RYR3: variants seen among roughly 807,000 people sequenced by gnomAD.
The protein encoded by RYR3 is brain ryanodine receptor-calcium release channel.
Under a neutral mutation model 584.3 loss-of-function variants are expected in RYR3, and 207 were observed. The ratio of observed to expected loss-of-function variants is 0.35; its 90% CI spans 0.32 to 0.40. RYR3 has a LOEUF of 0.40. Among genes scored for constraint, RYR3 ranks in the 10% least tolerant of loss-of-function variants. The probability of loss-of-function intolerance (pLI) is 1.00; values close to 1 mark genes in which losing one functional copy is unlikely to be tolerated. For synonymous variants in RYR3, 2,416 were observed against 2,248.5 expected, an observed-to-expected ratio of 1.07 and a Z score of -2.11; for missense variants, 5,616 against 6,089.2, an observed-to-expected ratio of 0.92 and a Z score of 2.59.
chr15:33,590,590 G>A (rs2059081490), intron 16 of RYR3, among the ~76,000 whole-genome samples: 1 of 148,926 alleles, frequency 6.7e-6, no homozygotes. Context: ...TCAGTGTTTC[G>A]TAATTTTTTT....
chr15:33,707,539 A>G (rs1335297272), intron 43 of RYR3, among the ~76,000 whole-genome samples: 1 of 152,222 alleles, frequency 6.6e-6, no homozygotes, highest in African/African-American at 2.4e-5. Context: ...ATTTGTCATA[A>G]TACAATCTAC....
Position 33,660,297 on chromosome 15 carries a change from T to G in RYR3, c.4496T>G (p.Leu1499Arg), listed in dbSNP as rs1437868004. 6.4e-6 allele frequency: 10 copies of G among 1,572,042 alleles called. No individual in the cohort carries two copies. The Admixed American group carries it at 1.7e-4, about 26-fold the overall frequency. ...GACGTCCAAACCATCCAGCCCGTGCTCTGGAGCCGCATGCCCAACAGCTTC... is the reference window on the plus strand; with the variant it reads ...GACGTCCAAACCATCCAGCCCGTGCGCTGGAGCCGCATGCCCAACAGCTTC... ...RLDVQTIQPV[L>R]WSRMPNSFLK... Residue 1499 changes from leucine to arginine, a missense_variant, in exon 34 of 104, where the codon CTC (leucine) becomes CGC (arginine). Physicochemically the swap from Leu to Arg is moderately radical, Grantham distance 102. Transcript: ENST00000634891.
At chr15:33,508,139 T>C (rs2142834218) in intron 3 of RYR3, among the ~76,000 whole-genome samples, 1 of 152,308 alleles carries the variant, frequency 6.6e-6, no homozygotes, top group Non-Finnish European at 1.5e-5. Context: ...TCCGGTTTTC[T>C]CTAAAAGTTG....
intron 1 of RYR3, among the ~76,000 whole-genome samples, chr15:33,330,179 A>G (rs920798180): frequency 6.6e-6 from 1 of 152,162 alleles, no homozygotes; most frequent in Non-Finnish European, 1.5e-5. Context: ...GTTGGCTTCA[A>G]TTTTAGGGTA....
chr15:33,783,242 C>T (rs1050353018), intron 65 of RYR3, among the ~76,000 whole-genome samples: 1 of 152,152 alleles, frequency 6.6e-6, no homozygotes, highest in Non-Finnish European at 1.5e-5. Context: ...CATTTTCAGC[C>T]GGTCTCCAGG....
chr15:33,809,612 CTT>C (rs34554811), intron 70 of RYR3, among the ~76,000 whole-genome samples: 36,009 of 132,286 alleles, frequency 0.27, 5,175 homozygotes, highest in Admixed American at 0.36. Flanking sequence ...TCCTCTCTCT[CTT>C]TTTTTTTTTT....
At chr15:33,620,115 A>G (rs557690049) in intron 19 of RYR3, among the ~76,000 whole-genome samples, 3 of 152,058 alleles carry the variant, frequency 2.0e-5, no homozygotes, top group Non-Finnish European at 2.9e-5. Context: ...AAGATGGCAG[A>G]TGGTGGGCTC....
At chr15:33,748,976 AGTT>A (rs1431281536) in intron 55 of RYR3, among the ~76,000 whole-genome samples, 2 of 152,204 alleles carry the variant, frequency 1.3e-5, no homozygotes, top group Non-Finnish European at 2.9e-5. Context: ...CTATATAAAT[AGTT>A]GTTATGCTGT....
chr15:33,459,088 G>A (rs375505545), intron 1 of RYR3, among the ~76,000 whole-genome samples: 15 of 152,142 alleles, frequency 9.9e-5, no homozygotes, highest in East Asian at 3.9e-4. Context: ...TTCAATACCC[G>A]GCCCAGCATC....
At chr15:33,355,904 T>A (rs1973907708) in intron 1 of RYR3, among the ~76,000 whole-genome samples, 1 of 152,232 alleles carries the variant, frequency 6.6e-6, no homozygotes, top group Non-Finnish European at 1.5e-5. Flanking sequence ...TCCTTTGAAA[T>A]ATGTCATTTG....
At chr15:33,638,239 C>T (rs1316078216) in intron 27 of RYR3, among the ~76,000 whole-genome samples, 1 of 152,160 alleles carries the variant, frequency 6.6e-6, no homozygotes, top group East Asian at 1.9e-4. Context: ...GGTTCAGAGG[C>T]AAAGGAGAGG....
chr15:33,613,567 G>A (rs959364087), intron 19 of RYR3, among the ~76,000 whole-genome samples, 192 bp downstream of exon 19: 1 of 152,262 alleles, frequency 6.6e-6, no homozygotes. Flanking sequence ...CCTCCCCCAG[G>A]GGTTGTATTA....
At position 33,748,200 on chromosome 15, in the gene RYR3, A is replaced by C; in HGVS notation, c.8076A>C (p.Gly2692=). ...GGACTGTGGAGAGGACCAAAGAGGG[A>C]GAAGCTTTGGTTCAACAGCGGGAAA... ...VGWTVERTKE[G]EALVQQRENE... The change falls in exon 54 of 104, where the codon GGA becomes GGC. Residue 2692 remains glycine, a synonymous_variant. Transcript: ENST00000634891. 1 of 1,613,838 alleles carries C rather than the reference A, an allele frequency of 6.2e-7. No homozygotes were observed. Among genetic ancestry groups the C allele is most frequent in the Non-Finnish European group, 8.5e-7 (1 of 1,179,736 alleles).
chr15:33,494,165 A>T (rs1468869713), intron 2 of RYR3, among the ~76,000 whole-genome samples: 1 of 151,946 alleles, frequency 6.6e-6, no homozygotes, highest in Non-Finnish European at 1.5e-5. Flanking sequence ...TTGTCAAAGG[A>T]TATTTGTCCT....
rs2073363573 is a variant in RYR3 at position 33,769,142 on chromosome 15, T to C, written c.8786T>C (p.Leu2929Pro). The change falls in exon 62 of 104, where the codon CTT becomes CCT. Residue 2929 changes from leucine to proline, a missense_variant. Physicochemically the swap from Leu to Pro is moderately conservative, Grantham distance 98 (BLOSUM62 -3). Transcript: ENST00000634891. ...GSDSTTMVSC[L>P]HILAQTLDTR... The stretch of plus-strand genomic sequence containing the variant: ...GATTCTACTACAATGGTGAGCTGTC[T>C]TCACATCTTAGCTCAGACACTTGAC... 1 of 1,613,576 alleles carries C rather than the reference T, an allele frequency of 6.2e-7. No homozygotes were observed. Among genetic ancestry groups the C allele is most frequent in the African/African-American group, 1.3e-5 (1 of 74,898 alleles).
intron 38 of RYR3, among the ~76,000 whole-genome samples, chr15:33,679,904 A>G (rs1382876102): frequency 1.3e-5 from 2 of 152,226 alleles, no homozygotes; most frequent in Non-Finnish European, 2.9e-5. Context: ...AGCATCATCT[A>G]GATATTATAA....
At chr15:33,789,936 C>G (rs2075043305) in intron 67 of RYR3, among the ~76,000 whole-genome samples, 1 of 144,570 alleles carries the variant, frequency 6.9e-6, no homozygotes, top group Non-Finnish European at 1.5e-5. Context: ...TCGGCTTCCC[C>G]AAACTGTTGG....
intron 1 of RYR3, among the ~76,000 whole-genome samples, chr15:33,368,338 C>CTTTTTTTTTTTTTTTTTT (rs35491164): frequency 1.2e-5 from 1 of 85,824 alleles, no homozygotes. Context: ...GCCTTCCTGT[C>CTTTTTTTTTTTTTTTTTT]TTTTTTTTTT....
Position 33,660,195 on chromosome 15 carries a change from A to G in RYR3, c.4396-2A>G. On this transcript the variant is annotated splice_acceptor_variant, in intron 33 of 103. Coordinates refer to ENST00000634891, the MANE Select transcript of RYR3 (RefSeq NM_001036.6). LOFTEE classifies it high-confidence loss of function. Reference sequence around the variant, plus strand: ...TTCCAATGCCTTTCCCACGTGCCCCAGAACGCAATGCCCCTGTCAGCGGCC... The same window carrying G: ...TTCCAATGCCTTTCCCACGTGCCCCGGAACGCAATGCCCCTGTCAGCGGCC... 1.3e-6 allele frequency: 2 copies of G among 1,549,384 alleles called. No individual in the cohort carries two copies. The highest frequency in any genetic ancestry group is 1.7e-6 in the Non-Finnish European group (2 of 1,144,982).
Sources: allele counts gnomAD v4.1 joint callset (sites outside exome capture counted in the v4.1 genomes callset), GRCh38; gene constraint gnomAD v4.1.1; transcripts MANE v1.5; gene names NCBI Gene and HGNC (gene_info 2026-07-23, HGNC 2026-07-21).